The following PDE3A variants were observed in gnomAD, a reference collection of about 807,000 sequenced individuals.
PDE3A encodes phosphodiesterase 3A, also known as cGMP-inhibited 3',5'-cyclic phosphodiesterase 3A.
A neutral mutation model predicts 98.3 loss-of-function variants in PDE3A; 43 were observed. That is an observed-to-expected ratio of 0.44 (90% CI 0.34 to 0.56). The LOEUF (loss-of-function observed/expected upper bound fraction) is 0.56. PDE3A is among the 20% of genes least tolerant of loss of function. PDE3A has a pLI of 0.01. For synonymous variants in PDE3A, 663 were observed against 567.9 expected, an observed-to-expected ratio of 1.17 and a Z score of -2.38; for missense variants, 1,427 against 1,440.7, an observed-to-expected ratio of 0.99 and a Z score of 0.15.
intron 2 of PDE3A, among the ~76,000 whole-genome samples, chr12:20,603,175 T>G (rs1298712047): frequency 6.6e-6 from 1 of 152,168 alleles, no homozygotes; most frequent in Non-Finnish European, 1.5e-5. Flanking sequence ...CAGTGACTAT[T>G]TCCTTTTTAT....
At chr12:20,543,503 G>A (rs1941976077) in intron 1 of PDE3A, among the ~76,000 whole-genome samples, 1 of 151,766 alleles carries the variant, frequency 6.6e-6, no homozygotes, top group Non-Finnish European at 1.5e-5. Context: ...CATAACCAAG[G>A]GGATCCATTA....
intron 1 of PDE3A, among the ~76,000 whole-genome samples, chr12:20,437,803 C>T (rs561550684): frequency 2.0e-5 from 3 of 152,140 alleles, no homozygotes; most frequent in East Asian, 1.9e-4. Flanking sequence ...TATCAAGGAC[C>T]GTAATGGAAA....
rs185002395 is a variant in PDE3A, at chr12:20,622,780, G to A, written c.1540+1369G>A. Among the ~76,000 whole-genome samples the A allele has an allele frequency of 3.9e-5, 6 of 152,116 alleles. No homozygotes were observed. In the East Asian group the frequency reaches 7.7e-4, roughly 20 times the overall value. ...TAAAGGGGTGCTAAAGTGATTTTAG[G>A]TATGTAGGACCCCTTGGCTCCCTAC... On this transcript the variant is annotated intron_variant, in intron 5 of 15. Coordinates refer to ENST00000359062, the MANE Select transcript of PDE3A (RefSeq NM_000921.5).
chr12:20,409,980 A>G (rs1482709230), intron 1 of PDE3A, among the ~76,000 whole-genome samples: 2 of 152,210 alleles, frequency 1.3e-5, no homozygotes, highest in East Asian at 1.9e-4. Context: ...GCTATAGGAT[A>G]CTTGCTATAT....
chr12:20,582,530 T>C (rs1320745642), intron 2 of PDE3A, among the ~76,000 whole-genome samples: 1 of 152,114 alleles, frequency 6.6e-6, no homozygotes, highest in Non-Finnish European at 1.5e-5. Context: ...TTTTAAAATA[T>C]TACAGAATAT....
intron 2 of PDE3A, among the ~76,000 whole-genome samples, chr12:20,579,477 A>G (rs1189146538): frequency 1.3e-5 from 2 of 152,120 alleles, no homozygotes; most frequent in Non-Finnish European, 2.9e-5. Flanking sequence ...TACAGATCAC[A>G]GTAACCAATA....
intron 1 of PDE3A, among the ~76,000 whole-genome samples, chr12:20,425,820 A>T (rs1185392524): frequency 1.3e-5 from 2 of 152,196 alleles, no homozygotes; most frequent in East Asian, 1.9e-4. Context: ...TATGATGATT[A>T]TGAGCCTCAA....
At chr12:20,677,266 C>G (rs1007461389) in intron 15 of PDE3A, among the ~76,000 whole-genome samples, 1 of 152,064 alleles carries the variant, frequency 6.6e-6, no homozygotes, top group Non-Finnish European at 1.5e-5. Flanking sequence ...TGTAGTCTAT[C>G]TCACTGAGAT....
At chr12:20,371,806 G>T (rs570412811) in intron 1 of PDE3A, among the ~76,000 whole-genome samples, 2 of 152,220 alleles carry the variant, frequency 1.3e-5, no homozygotes, top group South Asian at 4.1e-4. Flanking sequence ...ATCTATTTGA[G>T]GGTAAACTAA....
intron 1 of PDE3A, among the ~76,000 whole-genome samples, chr12:20,443,948 G>C (rs1185534621): frequency 1.3e-5 from 2 of 151,998 alleles, no homozygotes; most frequent in East Asian, 3.9e-4. Flanking sequence ...AGACTCCTTC[G>C]GTGAGCTCCC....
intron 1 of PDE3A, among the ~76,000 whole-genome samples, chr12:20,386,181 A>G (rs1315439044): frequency 9.1e-5 from 7 of 77,030 alleles, no homozygotes; most frequent in Non-Finnish European, 1.8e-4. Context: ...AAAAATATAT[A>G]TAAATATATA....
chr12:20,385,502 C>T (rs1332335918), intron 1 of PDE3A, among the ~76,000 whole-genome samples: 7 of 151,792 alleles, frequency 4.6e-5, no homozygotes, highest in East Asian at 1.9e-4. Flanking sequence ...ATGTTTATTG[C>T]GGCACTATTC....
intron 1 of PDE3A, among the ~76,000 whole-genome samples, chr12:20,500,485 T>G (rs1299720903): frequency 6.6e-6 from 1 of 152,186 alleles, no homozygotes; most frequent in African/African-American, 2.4e-5. Flanking sequence ...AGTTCATAAA[T>G]CTAAACTTAG....
chr12:20,500,367 T>A (rs1945999299), intron 1 of PDE3A, among the ~76,000 whole-genome samples: 1 of 152,206 alleles, frequency 6.6e-6, no homozygotes, highest in Admixed American at 6.5e-5. Flanking sequence ...TTTTAACTGA[T>A]GGCAATACAT....
chr12:20,456,587 C>T (rs1424394688), intron 1 of PDE3A, among the ~76,000 whole-genome samples: 1 of 152,026 alleles, frequency 6.6e-6, no homozygotes, highest in Non-Finnish European at 1.5e-5. Context: ...ACGTGACCTA[C>T]TCTGTACAAT....
intron 2 of PDE3A, among the ~76,000 whole-genome samples, chr12:20,582,001 A>C (rs889392271): frequency 6.6e-6 from 1 of 152,184 alleles, no homozygotes; most frequent in Admixed American, 6.5e-5. Context: ...ATTTAATTCT[A>C]CGTTCTAAAA....
At chr12:20,532,240 C>T (rs186285763) in intron 1 of PDE3A, among the ~76,000 whole-genome samples, 10 of 151,906 alleles carry the variant, frequency 6.6e-5, no homozygotes, top group Middle Eastern at 6.8e-3. Flanking sequence ...ACAAAATCTG[C>T]GGTAAGAAAT....
At chr12:20,495,620 CATTTT>C (rs1945906901) in intron 1 of PDE3A, among the ~76,000 whole-genome samples, 5 of 151,990 alleles carry the variant, frequency 3.3e-5, no homozygotes, top group Non-Finnish European at 7.4e-5. Context: ...TCTTGTTAGA[CATTTT>C]TGTTGTTTTC....
At chr12:20,549,371 T>TA (rs1041930392) in intron 1 of PDE3A, among the ~76,000 whole-genome samples, 3 of 149,348 alleles carry the variant, frequency 2.0e-5, no homozygotes, top group African/African-American at 7.4e-5. Context: ...ATGCAGTCCC[T>TA]ACCCCCATCA....
Sources: allele counts gnomAD v4.1 joint callset (sites outside exome capture counted in the v4.1 genomes callset), GRCh38; gene constraint gnomAD v4.1.1; transcripts MANE v1.5; gene names NCBI Gene and HGNC (gene_info 2026-07-23, HGNC 2026-07-21).